OR2AJ1: variants seen among roughly 807,000 people sequenced by gnomAD.
OR2AJ1 encodes the protein olfactory receptor 2AJ1.
For missense variants in OR2AJ1, 280 were observed against 163.2 expected, an observed-to-expected ratio of 1.72 and a Z score of -3.90; for synonymous variants, 105 against 60.3, an observed-to-expected ratio of 1.74 and a Z score of -3.44.
intron 1 of OR2AJ1, 68 bp from the exon 2 acceptor site, chr1:247,933,679 A>T: frequency 1.9e-6 from 1 of 535,294 alleles, no homozygotes; most frequent in African/African-American, 1.9e-5. Context: ...TTATGCAGGT[A>T]TATTATTGTT....
intron 1 of OR2AJ1, among the ~76,000 whole-genome samples, chr1:247,929,410 C>T: frequency 6.6e-6 from 1 of 152,112 alleles, no homozygotes; most frequent in East Asian, 1.9e-4. Context: ...TCCTGCCCCT[C>T]TTTTCCTCTC....
At chr1:247,928,817 G>A (rs776961840) in intron 1 of OR2AJ1, among the ~76,000 whole-genome samples, 1 of 152,142 alleles carries the variant, frequency 6.6e-6, no homozygotes, top group Non-Finnish European at 1.5e-5. Flanking sequence ...AGGATGGGCC[G>A]GGCGCGGTGC....
chr1:247,929,502 G>C (rs1660128917), intron 1 of OR2AJ1, among the ~76,000 whole-genome samples: 1 of 151,562 alleles, frequency 6.6e-6, no homozygotes, highest in Admixed American at 6.6e-5. Context: ...TAAGAATATA[G>C]TAATTATAGG....
chr1:247,927,497 G>GTGTGTGTGTGTGTGTGTGTGTGTGTGT lies in OR2AJ1; in HGVS notation c.-23+2329_-23+2330insTGTGTGTGTGTGTGTGTGTGTGTGTGT, dbSNP rs1553341346. Reference sequence around the variant, plus strand: ...TATTAATCACCTTAAACATTTAGGGGGTGTGTGTGTGTGTGTGTGTGTTGG... The same window carrying GTGTGTGTGTGTGTGTGTGTGTGTGTGT: ...TATTAATCACCTTAAACATTTAGGGGTGTGTGTGTGTGTGTGTGTGTGTGTGTGTGTGTGTGTGTGTGTGTGTGTTGG... On this transcript the variant is annotated intron_variant, in intron 1 of 1. Coordinates refer to ENST00000318244, the MANE Select transcript of OR2AJ1 (RefSeq NM_001355235.2). Among the ~76,000 whole-genome samples the GTGTGTGTGTGTGTGTGTGTGTGTGTGT allele has an allele frequency of 8.9e-4, 132 of 148,436 alleles. 1 individual carries two copies. The highest frequency in any genetic ancestry group is 2.2e-3 in the African/African-American group (87 of 40,386).
At chr1:247,926,970 C>T (rs533744232) in intron 1 of OR2AJ1, among the ~76,000 whole-genome samples, 3 of 152,160 alleles carry the variant, frequency 2.0e-5, no homozygotes, top group Admixed American at 6.5e-5. Flanking sequence ...CCTTGTCAGG[C>T]GCACACACCC....
At chr1:247,930,582 G>A (rs930517563) in intron 1 of OR2AJ1, among the ~76,000 whole-genome samples, 2 of 152,118 alleles carry the variant, frequency 1.3e-5, no homozygotes, top group African/African-American at 2.4e-5. Context: ...ATTCACTAAC[G>A]GGAATAAACA....
intron 1 of OR2AJ1, among the ~76,000 whole-genome samples, chr1:247,928,188 T>G (rs1421191513): frequency 6.6e-6 from 1 of 152,236 alleles, no homozygotes; most frequent in Non-Finnish European, 1.5e-5. Flanking sequence ...TTTTTTGTCT[T>G]TTTTGATAAT....
intron 1 of OR2AJ1, among the ~76,000 whole-genome samples, chr1:247,931,796 T>G (rs1485406059): frequency 6.6e-6 from 1 of 152,206 alleles, no homozygotes; most frequent in Non-Finnish European, 1.5e-5. Flanking sequence ...GACATATGAT[T>G]CAGTAGGGCA....
chr1:247,932,731 G>A (rs976618702), intron 1 of OR2AJ1, among the ~76,000 whole-genome samples: 8 of 152,026 alleles, frequency 5.3e-5, no homozygotes, highest in South Asian at 4.1e-4. Context: ...TATAATTTAC[G>A]TATTAATATG....
At chr1:247,931,008 A>G (rs1012829979) in intron 1 of OR2AJ1, among the ~76,000 whole-genome samples, 1 of 152,182 alleles carries the variant, frequency 6.6e-6, no homozygotes, top group African/African-American at 2.4e-5. Flanking sequence ...GACCTGCCTG[A>G]CTGCTTCTTC....
At chr1:247,927,497 G>GTGT (rs1553341346) in intron 1 of OR2AJ1, among the ~76,000 whole-genome samples, 23 of 148,330 alleles carry the variant, frequency 1.6e-4, no homozygotes, top group East Asian at 5.8e-4. Context: ...ACATTTAGGG[G>GTGT]GTGTGTGTGT....
At chr1:247,929,587 C>T (rs1334239267) in intron 1 of OR2AJ1, among the ~76,000 whole-genome samples, 6 of 111,142 alleles carry the variant, frequency 5.4e-5, no homozygotes, top group Admixed American at 1.1e-4. Flanking sequence ...GCTCTATTCC[C>T]CCCCTTCACT....
At chr1:247,933,602 A>C (rs1301989350) in intron 1 of OR2AJ1, 145 bp from the exon 2 acceptor site, 1 of 450,318 alleles carries the variant, frequency 2.2e-6, no homozygotes, top group East Asian at 3.4e-5. Context: ...AAACATGCCC[A>C]CTCCAAAAAC....
At chr1:247,925,396 A>G (rs1314872616) in intron 1 of OR2AJ1, among the ~76,000 whole-genome samples, 8 of 152,222 alleles carry the variant, frequency 5.3e-5, no homozygotes. Flanking sequence ...TTAAGAGAAC[A>G]GGAAAGTCTC....
rs962676785 is a variant in OR2AJ1 at position 247,934,515 on chromosome 1, G to T, written c.747G>T (p.Thr249=). The T allele has an allele frequency of 1.4e-6, 1 of 717,340 alleles. No individual in the cohort carries two copies. The highest frequency in any genetic ancestry group is 2.6e-6 in the Non-Finnish European group (1 of 385,104). The allele number at this position is 717,340 out of a possible 1,614,324, so 44.4% of individuals were successfully genotyped here. ...STCSFHMIVV[T]MYYGPFIFTY... is the part of the protein sequence containing the mutation. ...GTTCCTTCCACATGATTGTGGTCAC[G>T]ATGTACTATGGGCCATTTATTTTTA... Residue 249 remains threonine (T), a synonymous_variant, in exon 2 of 2, where the codon ACG becomes ACT. Transcript: ENST00000318244.
Position 247,935,198 on chromosome 1 carries a change from G to GCACA in OR2AJ1, c.*450_*453dup, listed in dbSNP as rs1018368462. ...AAATTTTACAGATACACATATATAT[G>GCACA]CACACACACATATATATGTACACAC... On this transcript the variant is annotated 3_prime_UTR_variant, in exon 2 of 2. Transcript: ENST00000318244. The GCACA allele has an allele frequency of 2.5e-5, 4 of 162,616 alleles. No homozygotes were observed. Among genetic ancestry groups the GCACA allele is most frequent in the Admixed American group, 1.8e-4 (3 of 16,624 alleles). 10.1% of individuals were successfully genotyped at this position (162,616 alleles called of 1,614,324 possible). A position where few individuals can be genotyped will look rare whatever the true frequency, so the allele number is the denominator to read the frequency against.
At position 247,934,477 on chromosome 1, in the gene OR2AJ1, T is replaced by C. The variant is rs1164869520; in HGVS notation, c.709T>C (p.Ser237Pro). 4.2e-6 allele frequency: 3 copies of C among 717,440 alleles called. No individual in the cohort carries two copies. In the African/African-American group the frequency reaches 5.2e-5, roughly 13 times the overall value. The allele number at this position is 717,440 out of a possible 1,614,324, so 44.4% of individuals were successfully genotyped here. Residue 237 changes from serine to proline, a missense_variant, in exon 2 of 2, where the codon TCA becomes CCA. By Grantham distance (74) the Ser-to-Pro change is moderately conservative. Coordinates refer to ENST00000318244, the MANE Select transcript of OR2AJ1 (RefSeq NM_001355235.2). Reference protein sequence around the residue: ...QMKSSEARKKSFSTCSFHMIV... With the variant: ...QMKSSEARKKPFSTCSFHMIV... ...GAAATCATCAGAGGCAAGGAAAAAG[T>C]CATTTTCCACTTGTTCCTTCCACAT... is the stretch of plus-strand genomic sequence containing the variant.
rs1660121184 is a variant in OR2AJ1, at chr1:247,928,859, C to T, written c.-23+3691C>T. Among the ~76,000 whole-genome samples the T allele has an allele frequency of 2.0e-5, 3 of 152,146 alleles. No individual in the cohort carries two copies. The South Asian group carries it at 6.2e-4, about 32-fold the overall frequency. ...CCTGTAATCCCAGCACTTTGGGAGG[C>T]CGAGGCGGGCGGATCACGAGGTCAG... On this transcript the variant is annotated intron_variant, in intron 1 of 1. Coordinates refer to ENST00000318244, the MANE Select transcript of OR2AJ1 (RefSeq NM_001355235.2).
At chr1:247,932,780 A>G (rs1293238550) in intron 1 of OR2AJ1, among the ~76,000 whole-genome samples, 1 of 152,150 alleles carries the variant, frequency 6.6e-6, no homozygotes, top group East Asian at 1.9e-4. Context: ...TATTGAGGGA[A>G]ATGTTATACA....
Sources: gnomAD v4.1 joint callset for allele counts (sites outside exome capture counted in the v4.1 genomes callset) on GRCh38, gnomAD v4.1.1 for gene constraint, MANE v1.5 for transcripts, NCBI Gene and HGNC (gene_info 2026-07-23, HGNC 2026-07-21) for gene names.